KREMEN1: variants seen among roughly 807,000 people sequenced by gnomAD.
The protein encoded by KREMEN1 is kremen protein 1.
A neutral mutation model predicts 46.5 loss-of-function variants in KREMEN1; 30 were observed. The observed-to-expected ratio is 0.65, with a 90% confidence interval of 0.48 to 0.88. The LOEUF (loss-of-function observed/expected upper bound fraction) is 0.88, where lower values mean the gene tolerates loss of function less well. KREMEN1 is among the 40% of genes least tolerant of loss of function. KREMEN1 has a pLI of 0.00. For synonymous variants in KREMEN1, 214 were observed against 230.6 expected, an observed-to-expected ratio of 0.93 and a Z score of 0.65; for missense variants, 533 against 596.9, an observed-to-expected ratio of 0.89 and a Z score of 1.11.
chr22:29,120,364 T>C (rs112928788), intron 3 of KREMEN1, among the ~76,000 whole-genome samples: 264 of 51,032 alleles, frequency 5.2e-3, no homozygotes, highest in East Asian at 0.021. Flanking sequence ...ATGAAGGAAA[T>C]GGAGGAGGGA....
chr22:29,141,973 T>C lies in KREMEN1; in HGVS notation c.1238T>C (p.Leu413Pro). 1.9e-6 allele frequency: 3 copies of C among 1,611,364 alleles called. No individual in the cohort carries two copies. The highest frequency in any genetic ancestry group is 2.5e-6 in the Non-Finnish European group (3 of 1,178,852). ...CATCGTGTTCCTGCTTCAGGGGACCTTAGGGATTGTCATCAACCAGGGACT... is the reference window on the plus strand; with the variant it reads ...CATCGTGTTCCTGCTTCAGGGGACCCTAGGGATTGTCATCAACCAGGGACT... Reference protein sequence around the residue: ...KSHRVPASGDLRDCHQPGTSG... With the variant: ...KSHRVPASGDPRDCHQPGTSG... The change falls in exon 9 of 9, where the codon CTT becomes CCT. Residue 413 changes from leucine to proline, a missense_variant. Leu to Pro is a moderately conservative substitution (Grantham distance 98). Coordinates refer to ENST00000400335, the MANE Select transcript of KREMEN1 (RefSeq NM_001039570.3).
Position 29,161,235 on chromosome 22 carries a change from T to C in KREMEN1, c.1417-5809T>C, listed in dbSNP as rs554695416. On this transcript the variant is annotated intron_variant, in intron 9 of 9. Transcript: ENST00000327813. The stretch of plus-strand genomic sequence containing the variant: ...AAATTGAATCAGCACTGGCCAGGCG[T>C]GGTGGCTCATGCCTGTGATCCCAGC... 1.3e-3 allele frequency among the ~76,000 whole-genome samples: 193 copies of C among 152,044 alleles called. 1 individual carries two copies. Among genetic ancestry groups the C allele is most frequent in the South Asian group, 0.01 (49 of 4,820 alleles).
Position 29,144,299 on chromosome 22 carries a change from G to A in KREMEN1, c.*2187G>A. 2.0e-6 allele frequency: 2 copies of A among 985,756 alleles called. No individual in the cohort carries two copies. Among genetic ancestry groups the A allele is most frequent in the Non-Finnish European group, 2.4e-6 (2 of 830,164 alleles). 61.1% of individuals were successfully genotyped at this position (985,756 alleles called of 1,614,324 possible). A position where few individuals can be genotyped will look rare whatever the true frequency, so the allele number is the denominator to read the frequency against. ...GAGGGCCACACAGGAAGTGTCTGCAGGGAGAGGTGGCACTCGGCAGCCTGA... is the reference window on the plus strand; with the variant it reads ...GAGGGCCACACAGGAAGTGTCTGCAAGGAGAGGTGGCACTCGGCAGCCTGA... On this transcript the variant is annotated 3_prime_UTR_variant, in exon 9 of 9. Coordinates refer to ENST00000400335, the MANE Select transcript of KREMEN1 (RefSeq NM_001039570.3).
intron 3 of KREMEN1, among the ~76,000 whole-genome samples, chr22:29,117,401 A>T (rs2038259116): frequency 6.6e-6 from 1 of 152,118 alleles, no homozygotes; most frequent in African/African-American, 2.4e-5. Context: ...CCCTGTCTGT[A>T]CTAAAAATAC....
chr22:29,099,102 C>T (rs558127089), intron 3 of KREMEN1, 149 bp downstream of exon 3: 28 of 610,646 alleles, frequency 4.6e-5, no homozygotes, highest in Admixed American at 3.5e-4. Flanking sequence ...AGGATTTTCA[C>T]TTCTCTTGTT....
chr22:29,145,890 G>C lies in KREMEN1; in HGVS notation c.*3778G>C. On this transcript the variant is annotated 3_prime_UTR_variant, in exon 9 of 9. Transcript: ENST00000400335. ...GGGTAGAACCCACGGGCGTGCCTGGGTGCGGCTCCACCCACATGCCCCACT... is the reference window on the plus strand; with the variant it reads ...GGGTAGAACCCACGGGCGTGCCTGGCTGCGGCTCCACCCACATGCCCCACT... 1 of 985,772 alleles carries C rather than the reference G, an allele frequency of 1.0e-6. No individual in the cohort carries two copies. Among genetic ancestry groups the C allele is most frequent in the South Asian group, 4.7e-5 (1 of 21,282 alleles). 61.1% of individuals were successfully genotyped at this position (985,772 alleles called of 1,614,324 possible).
rs2038779518 is a variant in KREMEN1, at chr22:29,142,462, T to C, written c.*350T>C. ...GCACAGGGCTCAGGTACATTCTAGA[T>C]GGCTGTCAGGTGGTGGGTAGCTTTA... On this transcript the variant is annotated 3_prime_UTR_variant, in exon 9 of 9. Coordinates refer to ENST00000400335, the MANE Select transcript of KREMEN1 (RefSeq NM_001039570.3). 10 of 1,031,694 alleles carry C rather than the reference T, an allele frequency of 9.7e-6. 1 individual carries two copies. Among genetic ancestry groups the C allele is most frequent in the Middle Eastern group, 4.5e-4 (1 of 2,198 alleles). The allele number at this position is 1,031,694 out of a possible 1,614,324, so 63.9% of individuals were successfully genotyped here. A position where few individuals can be genotyped will look rare whatever the true frequency, so the allele number is the denominator to read the frequency against.
chr22:29,098,886 C>A lies in KREMEN1; in HGVS notation c.285C>A (p.Pro95=). The A allele has an allele frequency of 6.2e-7, 1 of 1,614,120 alleles. No homozygotes were observed. Reference sequence around the variant, plus strand: ...GAAATCCAGATGGAGACGTGAGCCCCTGGTGCTATGTGGCAGAGCACGAGG... The same window carrying A: ...GAAATCCAGATGGAGACGTGAGCCCATGGTGCTATGTGGCAGAGCACGAGG... ...YCRNPDGDVS[P]WCYVAEHEDG... Residue 95 remains proline, a synonymous_variant, in exon 3 of 9, where the codon CCC becomes CCA. Coordinates refer to ENST00000400335, the MANE Select transcript of KREMEN1 (RefSeq NM_001039570.3).
intron 3 of KREMEN1, among the ~76,000 whole-genome samples, chr22:29,100,851 G>A (rs1015866260): frequency 6.6e-6 from 1 of 152,194 alleles, no homozygotes; most frequent in African/African-American, 2.4e-5. Context: ...CTGACCTTGT[G>A]TGGCCTAGGT....
chr22:29,075,930 C>CAG (rs2037563305), intron 1 of KREMEN1, among the ~76,000 whole-genome samples: 1 of 152,198 alleles, frequency 6.6e-6, no homozygotes, highest in African/African-American at 2.4e-5. Flanking sequence ...ATCAATCCTA[C>CAG]TTCTAATTAC....
chr22:29,150,219 G>T (rs2038904268), downstream of KREMEN1, among the ~76,000 whole-genome samples: 1 of 67,394 alleles, frequency 1.5e-5, no homozygotes, highest in South Asian at 6.3e-4. Context: ...CCCAGCAACT[G>T]GTGGGGGGGG....
At chr22:29,076,352 T>G (rs1479533150) in intron 1 of KREMEN1, among the ~76,000 whole-genome samples, 1 of 152,236 alleles carries the variant, frequency 6.6e-6, no homozygotes, top group Non-Finnish European at 1.5e-5. Flanking sequence ...CTTCATACTG[T>G]CTACCAATTC....
intron 9 of KREMEN1, among the ~76,000 whole-genome samples, chr22:29,158,339 G>A (rs1311830144): frequency 6.6e-6 from 1 of 152,218 alleles, no homozygotes; most frequent in Non-Finnish European, 1.5e-5. Flanking sequence ...AGACATCAAG[G>A]GGAGGCCACG....
intron 7 of KREMEN1, among the ~76,000 whole-genome samples, chr22:29,139,244 TATAAATGAGAG>T (rs1354219085): frequency 1.3e-5 from 2 of 152,142 alleles, no homozygotes; most frequent in Non-Finnish European, 2.9e-5. Context: ...TTCTGTGGCG[TATAAATGAGAG>T]GAGAAAGATA....
intron 1 of KREMEN1, among the ~76,000 whole-genome samples, chr22:29,084,591 A>G (rs977763421): frequency 1.3e-5 from 2 of 152,182 alleles, no homozygotes; most frequent in Admixed American, 1.3e-4. Context: ...ATGGGAAAAG[A>G]GTGGTACCCA....
At position 29,143,115 on chromosome 22, in the gene KREMEN1, A is replaced by AT. The variant is rs2038795460; in HGVS notation, c.*1003_*1004insT. The stretch of plus-strand genomic sequence containing the variant: ...CAGTGAGCCGAGATCGCACCACTGC[A>AT]CTCCAGCCTGGGTGACAAGAGTGAG... On this transcript the variant is annotated 3_prime_UTR_variant, in exon 9 of 9. Transcript: ENST00000400335. 2.4e-5 allele frequency: 20 copies of AT among 822,362 alleles called. No individual in the cohort carries two copies. The highest frequency in any genetic ancestry group is 2.6e-5 in the Non-Finnish European group (18 of 681,404). The allele number at this position is 822,362 out of a possible 1,614,324, so 50.9% of individuals were successfully genotyped here.
At chr22:29,107,273 G>C (rs1012226804) in intron 3 of KREMEN1, among the ~76,000 whole-genome samples, 1 of 147,470 alleles carries the variant, frequency 6.8e-6, no homozygotes. Flanking sequence ...GCCCAGGCTG[G>C]AGTGCAGTGG....
Position 29,146,517 on chromosome 22 carries a change from C to T in KREMEN1, c.*4405C>T, listed in dbSNP as rs2038866719. On this transcript the variant is annotated 3_prime_UTR_variant, in exon 9 of 9. Coordinates refer to ENST00000400335, the MANE Select transcript of KREMEN1 (RefSeq NM_001039570.3). ...CCTTCCCCGCCCGCACGGGAGCTGC[C>T]ATCGTGGGTCTCATGCACGTCAAGA... 13 of 985,490 alleles carry T rather than the reference C, an allele frequency of 1.3e-5. No homozygotes were observed. Among genetic ancestry groups the T allele is most frequent in the Non-Finnish European group, 1.6e-5 (13 of 829,938 alleles). The allele number at this position is 985,490 out of a possible 1,614,324, so 61.0% of individuals were successfully genotyped here. A position where few individuals can be genotyped will look rare whatever the true frequency, so the allele number is the denominator to read the frequency against.
At position 29,131,556 on chromosome 22, in the gene KREMEN1, ATATATG is replaced by A. The variant is rs1323882172; in HGVS notation, c.632-5784_632-5779del. Reference sequence around the variant, plus strand: ...TATATATATATATATATATATATATATATATGTGTGTGTGTGTGTGTGTGTGTGTGT... The same window carrying A: ...TATATATATATATATATATATATATATGTGTGTGTGTGTGTGTGTGTGTGT... On this transcript the variant is annotated intron_variant, in intron 5 of 8. Transcript: ENST00000400335. Among the ~76,000 whole-genome samples the A allele has an allele frequency of 2.0e-3, 142 of 72,042 alleles. 1 individual carries two copies. The highest frequency in any genetic ancestry group is 5.7e-3 in the African/African-American group (86 of 14,978). 47.3% of individuals were successfully genotyped at this position (72,042 alleles called of 152,430 possible). A position where few individuals can be genotyped will look rare whatever the true frequency, so the allele number is the denominator to read the frequency against.
Sources: allele counts gnomAD v4.1 joint callset (sites outside exome capture counted in the v4.1 genomes callset), GRCh38; gene constraint gnomAD v4.1.1; transcripts MANE v1.5; gene names NCBI Gene and HGNC (gene_info 2026-07-23, HGNC 2026-07-21).